FMN1: variants seen among roughly 807,000 people sequenced by gnomAD.
The protein encoded by FMN1 is formin 1.
FMN1 carries 110 observed loss-of-function variants against 132.4 expected under a neutral mutation model. That is an observed-to-expected ratio of 0.83 (90% CI 0.71 to 0.97). The LOEUF (loss-of-function observed/expected upper bound fraction) is 0.97. Among genes scored for constraint, FMN1 ranks in the 50% least tolerant of loss-of-function variants. FMN1 has a pLI of 0.00. For synonymous variants in FMN1, 722 were observed against 651.7 expected (o/e 1.11, Z -1.64); for missense variants, 1,792 against 1,705.3 (o/e 1.05, Z -0.90).
At chr15:33,045,606 G>A (rs900380039) in intron 6 of FMN1, among the ~76,000 whole-genome samples, 1 of 152,132 alleles carries the variant, frequency 6.6e-6, no homozygotes, top group African/African-American at 2.4e-5. Flanking sequence ...AACTGGATTT[G>A]GAAGCCGTGA....
At chr15:32,911,260 T>C (rs1385205935) in intron 10 of FMN1, among the ~76,000 whole-genome samples, 1 of 152,252 alleles carries the variant, frequency 6.6e-6, no homozygotes, top group African/African-American at 2.4e-5. Context: ...AAATCCTTAA[T>C]GGATTTGGCT....
At chr15:32,970,650 T>G (rs2031703347) in intron 7 of FMN1, 1 of 152,130 alleles carries the variant, frequency 6.6e-6, no homozygotes, top group Non-Finnish European at 1.5e-5. Context: ...ATTGAAAAAG[T>G]AAAGAAATAT....
chr15:33,106,727 G>C (rs145466743), intron 4 of FMN1, among the ~76,000 whole-genome samples: 3,044 of 152,078 alleles, frequency 0.02, 61 homozygotes, highest in South Asian at 0.093. Flanking sequence ...CTGTACAATA[G>C]GATGTTCAGC....
intron 7 of FMN1, among the ~76,000 whole-genome samples, chr15:33,005,109 C>G (rs1371479506): frequency 6.6e-6 from 1 of 151,858 alleles, no homozygotes; most frequent in Non-Finnish European, 1.5e-5. Context: ...TTAATGAGTG[C>G]AGCACAACAA....
chr15:32,860,388 C>G (rs529874179), intron 16 of FMN1, among the ~76,000 whole-genome samples: 123 of 152,298 alleles, frequency 8.1e-4, no homozygotes, highest in African/African-American at 2.8e-3. Flanking sequence ...CACAGTGGCT[C>G]GTGCCTCTAA....
intron 7 of FMN1, among the ~76,000 whole-genome samples, chr15:32,973,576 A>ACCCCCC (rs137961612): frequency 3.9e-4 from 57 of 147,408 alleles, no homozygotes; most frequent in African/African-American, 1.2e-3. Flanking sequence ...TCTGCCCCTC[A>ACCCCCC]CCCCCCCCAA....
chr15:33,097,170 G>A lies in FMN1; in HGVS notation c.1868-8196C>T, dbSNP rs116789739. Among the ~76,000 whole-genome samples, 874 of 152,062 alleles carry A rather than the reference G, an allele frequency of 5.7e-3. 11 individuals carry two copies. The highest frequency in any genetic ancestry group is 0.02 in the African/African-American group (833 of 41,466). ...AAATCAGCCAAGCCTGGTGGCCTGC[G>A]CCTGTGGTGCCAGCTACTTGGGAGG... is the stretch of plus-strand genomic sequence containing the variant. On this transcript the variant is annotated intron_variant, in intron 4 of 20. Transcript: ENST00000616417.
At chr15:33,074,790 C>G (rs922258114) in intron 5 of FMN1, among the ~76,000 whole-genome samples, 1 of 151,742 alleles carries the variant, frequency 6.6e-6, no homozygotes, top group African/African-American at 2.4e-5. Context: ...CTGAGGCAGG[C>G]GGATCACTTG....
chr15:33,023,444 A>G (rs116921402), intron 6 of FMN1, among the ~76,000 whole-genome samples: 1,631 of 152,298 alleles, frequency 0.011, 11 homozygotes, highest in Middle Eastern at 0.02. Flanking sequence ...TTACCAAAAT[A>G]AAGGCAAGAA....
At chr15:33,081,686 T>C (rs1267720302) in intron 5 of FMN1, among the ~76,000 whole-genome samples, 3 of 152,158 alleles carry the variant, frequency 2.0e-5, no homozygotes, top group Non-Finnish European at 4.4e-5. Context: ...GGACTTAACA[T>C]TTAAGTACTT....
chr15:33,152,065 A>C (rs1188237830), intron 4 of FMN1, among the ~76,000 whole-genome samples: 1 of 152,200 alleles, frequency 6.6e-6, no homozygotes, highest in Non-Finnish European at 1.5e-5. Context: ...CCTGTAAGAG[A>C]CTGTCTATCA....
chr15:32,898,816 C>T lies in FMN1; in HGVS notation c.3714+18G>A, dbSNP rs769279423. On this transcript the variant is annotated intron_variant, in intron 15 of 20. Coordinates refer to ENST00000616417, the MANE Select transcript of FMN1 (RefSeq NM_001277313.2). ...ATGAGTAAGAGGTGAAACTTTTCCACGTAATACCATTTCTTACCTGATCAT... is the reference window on the plus strand; with the variant it reads ...ATGAGTAAGAGGTGAAACTTTTCCATGTAATACCATTTCTTACCTGATCAT... 152 of 1,545,658 alleles carry T rather than the reference C, an allele frequency of 9.8e-5. No homozygotes were observed. Among genetic ancestry groups the T allele is most frequent in the South Asian group, 3.2e-4 (28 of 88,008 alleles).
intron 4 of FMN1, among the ~76,000 whole-genome samples, chr15:33,131,954 A>G (rs182447708): frequency 6.6e-6 from 1 of 152,304 alleles, no homozygotes; most frequent in East Asian, 1.9e-4. Context: ...CCTCTCTACA[A>G]GAAGGAGAGA....
intron 4 of FMN1, among the ~76,000 whole-genome samples, chr15:33,129,776 G>A (rs1224894583): frequency 2.0e-5 from 3 of 149,368 alleles, no homozygotes; most frequent in African/African-American, 5.0e-5. Context: ...CCAGAAAAGA[G>A]TTGACTAGCA....
chr15:33,109,779 C>T (rs1388034817), intron 4 of FMN1, among the ~76,000 whole-genome samples: 4 of 151,418 alleles, frequency 2.6e-5, no homozygotes, highest in Non-Finnish European at 5.9e-5. Context: ...CAACAACCCC[C>T]CATGACACGT....
In FMN1 at chr15:32,860,787, C is replaced by T. The variant is rs190049001; in HGVS notation, c.3836-3680G>A. The T allele has an allele frequency of 2.9e-4, 43 of 147,530 alleles. No homozygotes were observed. In the East Asian group the frequency reaches 7.9e-3, roughly 27 times the overall value. The allele number at this position is 147,530 out of a possible 1,614,324, so 9.1% of individuals were successfully genotyped here. ...GTCACCGTCTCTGTGTCTCTGTACT[C>T]CTCAAACATGGTGAGGTGTCCCAAG... is the stretch of plus-strand genomic sequence containing the variant. On this transcript the variant is annotated intron_variant, in intron 16 of 20. Coordinates refer to ENST00000616417, the MANE Select transcript of FMN1 (RefSeq NM_001277313.2).
At chr15:32,990,978 A>G (rs1410051817) in intron 7 of FMN1, among the ~76,000 whole-genome samples, 3 of 152,154 alleles carry the variant, frequency 2.0e-5, no homozygotes, top group Admixed American at 1.3e-4. Context: ...TGGGAACTGC[A>G]ATTCGAGATT....
At chr15:32,849,315 TCTCA>T (rs1034604846) in intron 17 of FMN1, among the ~76,000 whole-genome samples, 2 of 152,160 alleles carry the variant, frequency 1.3e-5, no homozygotes, top group East Asian at 1.9e-4. Context: ...TCTTATTTGT[TCTCA>T]CTGTTAGGTA....
chr15:32,891,123 T>C (rs2060017582), intron 15 of FMN1, among the ~76,000 whole-genome samples: 1 of 152,226 alleles, frequency 6.6e-6, no homozygotes, highest in African/African-American at 2.4e-5. Context: ...CAGTACCACG[T>C]TGTTTTGGTG....
Sources: gnomAD v4.1 joint callset for allele counts (sites outside exome capture counted in the v4.1 genomes callset) on GRCh38, gnomAD v4.1.1 for gene constraint, MANE v1.5 for transcripts, NCBI Gene and HGNC (gene_info 2026-07-23, HGNC 2026-07-21) for gene names.